TSC1: variants seen among roughly 807,000 people sequenced by gnomAD.
The protein encoded by TSC1 is TSC complex subunit 1, also known as hamartin.
In TSC1, 20 loss-of-function variants were observed where a neutral mutation model predicts 124.3. The observed-to-expected ratio is 0.16, with a 90% confidence interval of 0.11 to 0.23. The LOEUF (loss-of-function observed/expected upper bound fraction) is 0.23. TSC1 is among the 10% of genes least tolerant of loss of function. The pLI is 1.00. For missense variants in TSC1, 1,124 were observed against 1,448.5 expected (o/e 0.78, Z 3.64); for synonymous variants, 493 against 539.1 (o/e 0.91, Z 1.19).
At chr9:132,919,565 C>T (rs1039293454) in intron 8 of TSC1, among the ~76,000 whole-genome samples, 3 of 152,042 alleles carry the variant, frequency 2.0e-5, no homozygotes, top group African/African-American at 7.2e-5. Context: ...TTCAAATTAC[C>T]GACTCTCAAC....
At chr9:132,927,381 C>CA in intron 3 of TSC1, 77 bp from the exon 4 acceptor site, 1 of 1,362,948 alleles carries the variant, frequency 7.3e-7, no homozygotes, top group Non-Finnish European at 1.0e-6. Flanking sequence ...CTTCCTGTCA[C>CA]AAAATCCAGA....
At chr9:132,915,690 T>G (rs1326713291) in intron 8 of TSC1, among the ~76,000 whole-genome samples, 2 of 152,242 alleles carry the variant, frequency 1.3e-5, no homozygotes, top group Non-Finnish European at 2.9e-5. Context: ...CTAAGGGCAC[T>G]CCATAGGTTT....
In TSC1 at chr9:132,925,560, T is replaced by C. The variant is rs1443884561; in HGVS notation, c.363+27A>G. The C allele has an allele frequency of 4.3e-6, 7 of 1,613,874 alleles. No homozygotes were observed. In the South Asian group the frequency reaches 6.6e-5, roughly 15 times the overall value. The stretch of plus-strand genomic sequence containing the variant: ...CAGAAACTATACTCATAAAACCATT[T>C]CATTCAAATCCTTACAAACATCCTA... On this transcript the variant is annotated intron_variant, in intron 5 of 22. Transcript: ENST00000298552.
rs1588285980 is a variant in TSC1, at chr9:132,896,298, G to C, written c.3432C>G (p.Thr1144=). The C allele has an allele frequency of 6.2e-7, 1 of 1,614,184 alleles. No individual in the cohort carries two copies. ...TATGTAGCTGTCCAACACTGTCCGG[G>C]GTCGGGGGAGACGGGTGAGGGCCAT... ...NLDGPHPSPP[T]PDSVGQLHIM... Residue 1144 remains threonine, a synonymous_variant, in exon 23 of 23, where the codon ACC becomes ACG. Transcript: ENST00000298552. The surrounding 1 kb of genome is among the most constrained non-coding windows in gnomAD (Gnocchi z 4.5).
chr9:132,896,901 C>T lies in TSC1; in HGVS notation c.2976-147G>A, dbSNP rs1845102039. The T allele has an allele frequency of 1.5e-6, 2 of 1,359,474 alleles. No homozygotes were observed. Among genetic ancestry groups the T allele is most frequent in the South Asian group, 1.2e-5 (1 of 82,938 alleles). 84.2% of individuals were successfully genotyped at this position (1,359,474 alleles called of 1,614,324 possible). ...TTATAATACTGGACTCAAGAGATCT[C>T]ATCAAGAGAAACCTAAATCACAACT... On this transcript the variant is annotated intron_variant, in intron 22 of 22. Transcript: ENST00000298552. The surrounding 1 kb of genome is among the most constrained non-coding windows in gnomAD (Gnocchi z 4.5).
Position 132,906,752 on chromosome 9 carries a change from T to C in TSC1, c.1417A>G (p.Ile473Val), listed in dbSNP as rs745697913. The change falls in exon 14 of 23, where the codon ATT (isoleucine) becomes GTT (valine). Residue 473 changes from isoleucine (I) to valine (V), a missense_variant. By Grantham distance (29) the Ile-to-Val change is conservative. Around this residue, in one of 5 missense-constraint regions of TSC1, gnomAD observed 463 missense variants for 606.8 expected, o/e 0.76. Coordinates refer to ENST00000298552, the MANE Select transcript of TSC1 (RefSeq NM_000368.5). The surrounding 1 kb of genome is among the most constrained non-coding windows in gnomAD (Gnocchi z 4.1). ...TTACCTTCTTCTTTATCTTTTTCAA[T>C]ACTATCTTCTTCAGAGGCCAGATCA... ...LGDLASEEDS[I>V]EKDKEEAAIS... The C allele has an allele frequency of 6.2e-7, 1 of 1,614,056 alleles. No individual in the cohort carries two copies. The highest frequency in any genetic ancestry group is 2.2e-5 in the East Asian group (1 of 44,874).
chr9:132,927,320 G>A lies in TSC1; in HGVS notation c.107-16C>T, dbSNP rs1846932401. 1 of 1,609,112 alleles carries A rather than the reference G, an allele frequency of 6.2e-7. No homozygotes were observed. Among genetic ancestry groups the A allele is most frequent in the South Asian group, 1.1e-5 (1 of 90,394 alleles). On this transcript the variant is annotated splice_polypyrimidine_tract_variant and intron_variant, in intron 3 of 22. Transcript: ENST00000298552. ...GGGCCACGGTCTAAATCAAGAAAAG[G>A]GCAATGGATGATACTTATTCCCCTT...
At position 132,905,581 on chromosome 9, in the gene TSC1, T is replaced by C. The variant is rs1419720341; in HGVS notation, c.1997A>G (p.Lys666Arg). Reference sequence around the variant, plus strand: ...AGAAGAGAGTGCCCCAGTCCCTTACTTGTTCAGCTCCTTGCTGTGCGCGTC... The same window carrying C: ...AGAAGAGAGTGCCCCAGTCCCTTACCTGTTCAGCTCCTTGCTGTGCGCGTC... Reference protein sequence around the residue: ...GADAHSKELNKLPLPSKSVDW... With the variant: ...GADAHSKELNRLPLPSKSVDW... Residue 666 changes from lysine (K) to arginine (R), a missense_variant and splice_region_variant, in exon 15 of 23, where the codon AAG (lysine) becomes AGG (arginine). This residue lies in a region of TSC1 where 321 missense variants were observed against 397.4 expected (regional missense o/e 0.81). Coordinates refer to ENST00000298552, the MANE Select transcript of TSC1 (RefSeq NM_000368.5). 2 of 1,613,902 alleles carry C rather than the reference T, an allele frequency of 1.2e-6. No individual in the cohort carries two copies. Among genetic ancestry groups the C allele is most frequent in the Admixed American group, 3.3e-5 (2 of 60,012 alleles).
chr9:132,906,616 G>T lies in TSC1; in HGVS notation c.1438+115C>A. On this transcript the variant is annotated intron_variant, in intron 14 of 22. Transcript: ENST00000298552. This position sits in a 1 kb window ranked among gnomAD's most constrained non-coding sequence, Gnocchi z 4.1. ...GGTCCCAGACTAAACCACCCATCTT[G>T]TTACCTCAAGAGAAGAAAAATCCAG... is the stretch of plus-strand genomic sequence containing the variant. 1 of 858,792 alleles carries T rather than the reference G, an allele frequency of 1.2e-6. No individual in the cohort carries two copies. Among genetic ancestry groups the T allele is most frequent in the Non-Finnish European group, 1.9e-6 (1 of 527,312 alleles). 53.2% of individuals were successfully genotyped at this position (858,792 alleles called of 1,614,324 possible). A position where few individuals can be genotyped will look rare whatever the true frequency, so the allele number is the denominator to read the frequency against.
At position 132,910,577 on chromosome 9, in the gene TSC1, G is replaced by C. The variant is rs369642207; in HGVS notation, c.1257C>G (p.Pro419=). 2.5e-5 allele frequency: 41 copies of C among 1,613,910 alleles called. No individual in the cohort carries two copies. The highest frequency in any genetic ancestry group is 1.6e-4 in the Middle Eastern group (1 of 6,084). Residue 419 remains proline (P), a synonymous_variant, in exon 12 of 23, where the codon CCC becomes CCG. Transcript: ENST00000298552. ...ISLPQATVTP[P]RKEERMDSAR... ...CAGACGAGCTGGATCGCACCTTCCT[G>C]GGGGGTGTGACTGTGGCCTGGGGGA...
chr9:132,901,827 A>G, intron 18 of TSC1, 128 bp from the exon 19 acceptor site: 1 of 747,322 alleles, frequency 1.3e-6, no homozygotes, highest in Non-Finnish European at 2.3e-6. Flanking sequence ...TTGGGCCCTC[A>G]GAATTTGATG....
intron 2 of TSC1, chr9:132,931,385 G>C (rs1433268816): frequency 6.6e-6 from 1 of 152,056 alleles, no homozygotes; most frequent in Non-Finnish European, 1.5e-5. Context: ...AATCAGCTTG[G>C]GCCACCTAGC....
intron 4 of TSC1, 24 bp downstream of exon 4, chr9:132,927,177 T>TG: frequency 1.2e-6 from 2 of 1,609,904 alleles, no homozygotes; most frequent in Non-Finnish European, 8.5e-7. Flanking sequence ...ACATATGAAA[T>TG]GCCTATGATA....
At chr9:132,934,129 A>G (rs1481546568) in intron 2 of TSC1, among the ~76,000 whole-genome samples, 1 of 152,218 alleles carries the variant, frequency 6.6e-6, no homozygotes, top group East Asian at 1.9e-4. Context: ...GACAGAATAC[A>G]CTAAACAGCA....
rs118203492 is a variant in TSC1, at chr9:132,911,096, T to C, written c.1047A>G (p.Pro349=). The part of the protein sequence containing the change: ...TEPPQATLWS[P]SMVCGMTTPP... The stretch of plus-strand genomic sequence containing the variant: ...GAGTGGTCATACCACAAACCATAGA[T>C]GGGCTCCAAAGAGTAGCCTGGGAAG... Residue 349 remains proline (P), a synonymous_variant, in exon 11 of 23, where the codon CCA becomes CCG. Transcript: ENST00000298552. 232 of 1,614,004 alleles carry C rather than the reference T, an allele frequency of 1.4e-4. No individual in the cohort carries two copies. Among genetic ancestry groups the C allele is most frequent in the Non-Finnish European group, 1.9e-4 (224 of 1,179,978 alleles).
chr9:132,918,225 A>G (rs958868580), intron 8 of TSC1, among the ~76,000 whole-genome samples: 2 of 152,258 alleles, frequency 1.3e-5, no homozygotes, highest in African/African-American at 4.8e-5. Context: ...AAAAACAGAC[A>G]GGCAGGTGGT....
In TSC1 at chr9:132,901,670, A is replaced by T. The variant is rs754248661; in HGVS notation, c.2421T>A (p.Ile807=). The T allele has an allele frequency of 6.2e-7, 1 of 1,614,084 alleles. No homozygotes were observed. The highest frequency in any genetic ancestry group is 8.5e-7 in the Non-Finnish European group (1 of 1,180,022). Residue 807 remains isoleucine, a synonymous_variant, in exon 19 of 23, where the codon ATT becomes ATA. Coordinates refer to ENST00000298552, the MANE Select transcript of TSC1 (RefSeq NM_000368.5). ...TCTTCAGTTCTATCCGCAGCTCCGC[A>T]ATCATGTTCCTGCAGTCCTCCAGCT... is the stretch of plus-strand genomic sequence containing the variant. The part of the protein sequence containing the change: ...QTKLEDCRNM[I]AELRIELKKA...
chr9:132,927,747 A>G (rs1846961933), intron 3 of TSC1, among the ~76,000 whole-genome samples: 1 of 151,964 alleles, frequency 6.6e-6, no homozygotes, highest in Admixed American at 6.5e-5. Context: ...ACATGGTCTC[A>G]ATCTCCTGAC....
At chr9:132,899,717 C>G (rs1462533277) in intron 20 of TSC1, 1 of 152,160 alleles carries the variant, frequency 6.6e-6, no homozygotes, top group Non-Finnish European at 1.5e-5. Flanking sequence ...GTTTTATGAA[C>G]TGGGAAACAG....
Sources: allele counts gnomAD v4.1 joint callset (sites outside exome capture counted in the v4.1 genomes callset), GRCh38; gene constraint gnomAD v4.1.1; regional missense constraint gnomAD v4.1.1; non-coding constraint Gnocchi (gnomAD v3.1); transcripts MANE v1.5; gene names NCBI Gene and HGNC (gene_info 2026-07-23, HGNC 2026-07-21).